RGL1: variants seen among roughly 807,000 people sequenced by gnomAD.
RGL1 encodes ral guanine nucleotide dissociation stimulator like 1.
In RGL1, 24 loss-of-function variants were observed where a neutral mutation model predicts 95.2. The ratio of observed to expected loss-of-function variants is 0.25; its 90% confidence interval spans 0.18 to 0.35. The LOEUF is 0.35. Ranked by LOEUF, RGL1 falls within the 10% of genes least tolerant of loss-of-function variation. The pLI, the probability that RGL1 is intolerant of heterozygous loss-of-function variation, is 1.00. For synonymous variants in RGL1, 329 were observed against 344.9 expected (o/e 0.95, Z 0.51); for missense variants, 715 against 936.3 (o/e 0.76, Z 3.08).
At chr1:183,663,595 A>G (rs1651809342) in intron 1 of RGL1, among the ~76,000 whole-genome samples, 1 of 152,164 alleles carries the variant, frequency 6.6e-6, no homozygotes, top group East Asian at 1.9e-4. Context: ...AGAAATTGGA[A>G]CACTTTTACA....
chr1:183,888,837 G>C (rs538499350), intron 8 of RGL1, among the ~76,000 whole-genome samples: 1 of 152,126 alleles, frequency 6.6e-6, no homozygotes, highest in East Asian at 1.9e-4. Flanking sequence ...CTTATTATCT[G>C]GATTTTGAGG....
At chr1:183,919,584 T>C (rs1224459073) in intron 16 of RGL1, among the ~76,000 whole-genome samples, 2 of 152,194 alleles carry the variant, frequency 1.3e-5, no homozygotes, top group African/African-American at 2.4e-5. Flanking sequence ...CAAGAGCAAC[T>C]AATGTCCCTG....
chr1:183,821,597 A>G (rs1396379129), intron 2 of RGL1, among the ~76,000 whole-genome samples: 1 of 152,106 alleles, frequency 6.6e-6, no homozygotes, highest in Admixed American at 6.6e-5. Context: ...GGTTGGTAAA[A>G]GCTATTCTGG....
intron 2 of RGL1, among the ~76,000 whole-genome samples, chr1:183,821,661 C>T (rs1206313538): frequency 6.6e-6 from 1 of 152,160 alleles, no homozygotes; most frequent in East Asian, 1.9e-4. Flanking sequence ...CATTAGTGCT[C>T]ATCCTAAAAG....
chr1:183,661,355 A>G (rs559441285), intron 1 of RGL1, among the ~76,000 whole-genome samples: 1 of 152,350 alleles, frequency 6.6e-6, no homozygotes, highest in African/African-American at 2.4e-5. Flanking sequence ...AATAGACGCA[A>G]TAAAAAATGA....
At chr1:183,877,479 G>C (rs994318575) in intron 4 of RGL1, among the ~76,000 whole-genome samples, 2 of 152,146 alleles carry the variant, frequency 1.3e-5, no homozygotes, top group Non-Finnish European at 2.9e-5. Context: ...TTCTTCCCAG[G>C]ACTGGCACAC....
At chr1:183,846,599 T>C (rs1664457565) in intron 2 of RGL1, among the ~76,000 whole-genome samples, 1 of 151,578 alleles carries the variant, frequency 6.6e-6, no homozygotes, top group African/African-American at 2.4e-5. Flanking sequence ...AATGAGTTTG[T>C]CCAGGTGCAG....
intron 1 of RGL1, among the ~76,000 whole-genome samples, chr1:183,682,857 T>C (rs1025533765): frequency 1.3e-5 from 2 of 152,216 alleles, no homozygotes; most frequent in African/African-American, 4.8e-5. Flanking sequence ...TGCTCTTGTA[T>C]TGGGTGCGTA....
chr1:183,757,480 C>T (rs554767631), intron 2 of RGL1, among the ~76,000 whole-genome samples: 5 of 152,236 alleles, frequency 3.3e-5, no homozygotes, highest in African/African-American at 9.6e-5. Context: ...TTCTATTTCA[C>T]TCTGCCACAA....
intron 2 of RGL1, among the ~76,000 whole-genome samples, chr1:183,768,374 A>T (rs765291197): frequency 1.6e-4 from 24 of 150,930 alleles, no homozygotes; most frequent in Non-Finnish European, 3.2e-4. Context: ...CTTTCTTCAC[A>T]TCTCTCTCCC....
At chr1:183,773,709 AT>A (rs1659431505) in intron 2 of RGL1, among the ~76,000 whole-genome samples, 1 of 152,220 alleles carries the variant, frequency 6.6e-6, no homozygotes, top group South Asian at 2.1e-4. Context: ...TCCCACTCTG[AT>A]TTACCCTTGT....
chr1:183,716,848 T>C (rs553186228), intron 1 of RGL1, among the ~76,000 whole-genome samples: 1 of 152,252 alleles, frequency 6.6e-6, no homozygotes, highest in East Asian at 1.9e-4. Context: ...AAATGTTCTG[T>C]GTGAAGACAG....
chr1:183,727,534 A>G (rs530552283), intron 1 of RGL1, among the ~76,000 whole-genome samples: 15 of 152,282 alleles, frequency 9.9e-5, no homozygotes, highest in Admixed American at 9.8e-4. Flanking sequence ...CTTTTGCCCT[A>G]AGATCAAGTA....
intron 2 of RGL1, among the ~76,000 whole-genome samples, chr1:183,743,531 T>C (rs1003064171): frequency 1.3e-5 from 2 of 152,240 alleles, no homozygotes; most frequent in African/African-American, 2.4e-5. Flanking sequence ...TTAGCTTACA[T>C]GCTTGGAAAT....
At chr1:183,784,000 T>C (rs1362175743) in intron 2 of RGL1, among the ~76,000 whole-genome samples, 1 of 152,050 alleles carries the variant, frequency 6.6e-6, no homozygotes, top group Non-Finnish European at 1.5e-5. Context: ...ACAAGCATAT[T>C]AAGGAAGAAG....
chr1:183,737,595 A>AG (rs1237778547), intron 1 of RGL1, among the ~76,000 whole-genome samples: 1 of 151,824 alleles, frequency 6.6e-6, no homozygotes, highest in Non-Finnish European at 1.5e-5. Context: ...AAAAAAAAAA[A>AG]AAAATCTTTC....
intron 1 of RGL1, among the ~76,000 whole-genome samples, chr1:183,741,307 T>A (rs1657288390): frequency 6.6e-6 from 1 of 152,164 alleles, no homozygotes; most frequent in Admixed American, 6.5e-5. Context: ...GAGACTTGAA[T>A]GGAGGCAAGG....
At chr1:183,881,620 G>A (rs961922413) in intron 5 of RGL1, among the ~76,000 whole-genome samples, 3 of 152,326 alleles carry the variant, frequency 2.0e-5, no homozygotes, top group African/African-American at 7.2e-5. Context: ...ACCCTGAAGG[G>A]ATGCCTGACT....
At chr1:183,746,317 T>TAC (rs1007065037) in intron 2 of RGL1, among the ~76,000 whole-genome samples, 10 of 151,922 alleles carry the variant, frequency 6.6e-5, no homozygotes, top group African/African-American at 2.2e-4. Flanking sequence ...TGTTGAGTTA[T>TAC]ACACACACAC....
Sources: gnomAD v4.1 joint callset for allele counts (sites outside exome capture counted in the v4.1 genomes callset) on GRCh38, gnomAD v4.1.1 for gene constraint, MANE v1.5 for transcripts, NCBI Gene and HGNC (gene_info 2026-07-23, HGNC 2026-07-21) for gene names.